AGAP1: variants seen among roughly 807,000 people sequenced by gnomAD.
AGAP1 encodes arf-GAP with GTPase, ANK repeat and PH domain-containing protein 1.
A neutral mutation model predicts 105.3 loss-of-function variants in AGAP1; 29 were observed. The ratio of observed to expected loss-of-function variants is 0.28; its 90% confidence interval spans 0.21 to 0.38. AGAP1 has a LOEUF of 0.38. Ranked by LOEUF, AGAP1 falls within the 10% of genes least tolerant of loss-of-function variation. AGAP1 has a pLI of 1.00. For synonymous variants in AGAP1, 509 were observed against 485.9 expected, an observed-to-expected ratio of 1.05 and a Z score of -0.63; for missense variants, 998 against 1,165.1, an observed-to-expected ratio of 0.86 and a Z score of 2.09.
chr2:235,516,073 G>GCTGCTGCTGCTGCTC (rs1559216422), intron 1 of AGAP1, among the ~76,000 whole-genome samples: 1 of 141,228 alleles, frequency 7.1e-6, no homozygotes, highest in Non-Finnish European at 1.6e-5. Context: ...TGCTGCTGCT[G>GCTGCTGCTGCTGCTC]CTGCTGCTGC....
intron 1 of AGAP1, among the ~76,000 whole-genome samples, chr2:235,671,767 C>G (rs919310190): frequency 2.0e-5 from 3 of 152,228 alleles, no homozygotes; most frequent in Non-Finnish European, 4.4e-5. Context: ...TGTTCTGAAA[C>G]CTCAGGTCTG....
rs1171667151 is a variant in AGAP1 at position 235,596,140 on chromosome 2, C to G, written c.163+101291C>G. Among the ~76,000 whole-genome samples, 1 of 152,212 alleles carries G rather than the reference C, an allele frequency of 6.6e-6. No homozygotes were observed. Among genetic ancestry groups the G allele is most frequent in the East Asian group, 1.9e-4 (1 of 5,196 alleles). ...ATCACCCATAAGCACAGCCTTCAGT[C>G]TAACTTCATGTCAAGTCTAAGTGGC... On this transcript the variant is annotated intron_variant, in intron 1 of 17. Transcript: ENST00000304032. The surrounding 1 kb of genome is among the most constrained non-coding windows in gnomAD (Gnocchi z 5.9).
intron 8 of AGAP1, among the ~76,000 whole-genome samples, chr2:235,802,878 TGTG>T (rs1282451115): frequency 1.2e-5 from 1 of 81,292 alleles, no homozygotes. Context: ...TGATGCTGCT[TGTG>T]GTTGTGATGG....
intron 13 of AGAP1, among the ~76,000 whole-genome samples, chr2:236,008,303 C>T (rs989218823): frequency 7.2e-5 from 11 of 152,198 alleles, no homozygotes; most frequent in Non-Finnish European, 4.4e-5. Context: ...CATGGAGCCT[C>T]AGTGTCAGTT....
chr2:235,917,697 A>G (rs2051964723), intron 11 of AGAP1, among the ~76,000 whole-genome samples: 1 of 152,164 alleles, frequency 6.6e-6, no homozygotes, highest in African/African-American at 2.4e-5. Context: ...CCGGAGATTA[A>G]TGAGGCCTAA....
In AGAP1 at chr2:235,839,503, T is replaced by TTGGGAGGCCAGGA. The variant is rs1553646123; in HGVS notation, c.1050+32172_1050+32173insTGGGAGGCCAGGA. On this transcript the variant is annotated intron_variant, in intron 9 of 17. Coordinates refer to ENST00000304032, the MANE Select transcript of AGAP1 (RefSeq NM_001037131.3). ...AGCTCATGCCTCTAATCTCAGCACT[T>TTGGGAGGCCAGGA]CGGGAGGCCAGGAGCTCAAGGCTGC... Among the ~76,000 whole-genome samples the TTGGGAGGCCAGGA allele has an allele frequency of 2.2e-3, 331 of 152,174 alleles. 2 individuals carry two copies. Among genetic ancestry groups the TTGGGAGGCCAGGA allele is most frequent in the African/African-American group, 7.6e-3 (317 of 41,476 alleles).
Position 235,973,067 on chromosome 2 carries a change from T to G in AGAP1, c.1645+4444T>G, listed in dbSNP as rs542280430. Among the ~76,000 whole-genome samples the G allele has an allele frequency of 2.4e-4, 37 of 152,242 alleles. No individual in the cohort carries two copies. The highest frequency in any genetic ancestry group is 7.2e-4 in the African/African-American group (30 of 41,544). On this transcript the variant is annotated intron_variant, in intron 13 of 17. Transcript: ENST00000304032. This position sits in a 1 kb window ranked among gnomAD's most constrained non-coding sequence, Gnocchi z 4.7. ...GCGCACTTATTCAGAAAGTAAAGGC[T>G]AATAGTAGGAATCATCAGTACCTGC...
At chr2:235,854,165 C>T (rs574165935) in intron 9 of AGAP1, among the ~76,000 whole-genome samples, 10 of 152,224 alleles carry the variant, frequency 6.6e-5, no homozygotes, top group South Asian at 6.2e-4. Context: ...CTTGTCTTCC[C>T]GGGCTCGTGG....
chr2:236,020,976 G>C lies in AGAP1; in HGVS notation c.1646-15585G>C, dbSNP rs2056863015. On this transcript the variant is annotated intron_variant, in intron 13 of 17. Coordinates refer to ENST00000304032, the MANE Select transcript of AGAP1 (RefSeq NM_001037131.3). The surrounding 1 kb of genome is among the most constrained non-coding windows in gnomAD (Gnocchi z 5.0). Reference sequence around the variant, plus strand: ...AGGTCAGACATTCGAGACCAGCCTGGTCAACGTGGTGAAACCCCATCTCTA... The same window carrying C: ...AGGTCAGACATTCGAGACCAGCCTGCTCAACGTGGTGAAACCCCATCTCTA... Among the ~76,000 whole-genome samples, 1 of 151,974 alleles carries C rather than the reference G, an allele frequency of 6.6e-6. No individual in the cohort carries two copies. Among genetic ancestry groups the C allele is most frequent in the Non-Finnish European group, 1.5e-5 (1 of 68,002 alleles).
chr2:236,099,422 T>A (rs1442629091), intron 16 of AGAP1, among the ~76,000 whole-genome samples: 2 of 151,008 alleles, frequency 1.3e-5, no homozygotes, highest in East Asian at 3.9e-4. Context: ...ACCACTGCAC[T>A]CCAGCCTGGG....
chr2:235,537,827 C>A (rs1490083403), intron 1 of AGAP1, among the ~76,000 whole-genome samples: 1 of 151,280 alleles, frequency 6.6e-6, no homozygotes, highest in African/African-American at 2.4e-5. Flanking sequence ...GTTTTTTTTT[C>A]CTCTGTCTCT....
intron 1 of AGAP1, among the ~76,000 whole-genome samples, chr2:235,584,697 T>C (rs1356936961): frequency 6.6e-6 from 1 of 151,874 alleles, no homozygotes; most frequent in Non-Finnish European, 1.5e-5. Context: ...AGGGAATACA[T>C]TTCTGCTGTT....
Position 235,988,770 on chromosome 2 carries a change from G to A in AGAP1, c.1645+20147G>A, listed in dbSNP as rs954766167. 2.1e-4 allele frequency among the ~76,000 whole-genome samples: 32 copies of A among 152,058 alleles called. No homozygotes were observed. Among genetic ancestry groups the A allele is most frequent in the African/African-American group, 6.3e-4 (26 of 41,408 alleles). ...GATTGCACTTCAGAATCGGTGATGC[G>A]CACTCATTCCCCTGCACCCACCCTT... is the stretch of plus-strand genomic sequence containing the variant. On this transcript the variant is annotated intron_variant, in intron 13 of 17. Transcript: ENST00000304032. This position sits in a 1 kb window ranked among gnomAD's most constrained non-coding sequence, Gnocchi z 4.7.
At chr2:235,999,579 TATG>T (rs1559177310) in intron 13 of AGAP1, among the ~76,000 whole-genome samples, 1 of 72,308 alleles carries the variant, frequency 1.4e-5, no homozygotes, top group Admixed American at 1.2e-4. Flanking sequence ...ACCAATATGA[TATG>T]GTGGTGATGA....
At chr2:235,820,029 G>T (rs551931536) in intron 9 of AGAP1, among the ~76,000 whole-genome samples, 1 of 150,804 alleles carries the variant, frequency 6.6e-6, no homozygotes, top group Non-Finnish European at 1.5e-5. Flanking sequence ...TCAGCCTCCC[G>T]GCTAGCTGAG....
intron 6 of AGAP1, among the ~76,000 whole-genome samples, chr2:235,762,315 G>A (rs2149788741): frequency 6.6e-6 from 1 of 152,154 alleles, no homozygotes; most frequent in East Asian, 1.9e-4. Flanking sequence ...TTGTCTCATG[G>A]ACTTTGATAT....
Position 236,080,805 on chromosome 2 carries a change from T to A in AGAP1, c.2114+31524T>A, listed in dbSNP as rs890222583. Among the ~76,000 whole-genome samples, 1 of 152,158 alleles carries A rather than the reference T, an allele frequency of 6.6e-6. No individual in the cohort carries two copies. Among genetic ancestry groups the A allele is most frequent in the Non-Finnish European group, 1.5e-5 (1 of 68,014 alleles). ...GAAGCTGCTACTCATCTTGGTGGCC[T>A]TGCATCCCCTCTGACCTGTTTCTGT... On this transcript the variant is annotated intron_variant, in intron 16 of 17. Coordinates refer to ENST00000304032, the MANE Select transcript of AGAP1 (RefSeq NM_001037131.3). The surrounding 1 kb of genome is among the most constrained non-coding windows in gnomAD (Gnocchi z 4.2).
At position 236,101,562 on chromosome 2, in the gene AGAP1, G is replaced by A. The variant is rs2059345836; in HGVS notation, c.2115-18630G>A. On this transcript the variant is annotated intron_variant, in intron 16 of 17. Transcript: ENST00000304032. This position sits in a 1 kb window ranked among gnomAD's most constrained non-coding sequence, Gnocchi z 4.9. ...AAGAGCCTTGGCTGTTCCTCTCCCT[G>A]GTGTTTAAAGGGCGTCGGTGCACGT... 6.6e-6 allele frequency among the ~76,000 whole-genome samples: 1 copy of A among 152,200 alleles called. No homozygotes were observed. The highest frequency in any genetic ancestry group is 1.5e-5 in the Non-Finnish European group (1 of 68,040).
chr2:236,084,150 G>A (rs953257448), intron 16 of AGAP1, among the ~76,000 whole-genome samples: 5 of 152,162 alleles, frequency 3.3e-5, no homozygotes, highest in African/African-American at 1.2e-4. Context: ...CTCCTGTCTT[G>A]GAGTGGGGCT....
Sources: gnomAD v4.1 joint callset for allele counts (sites outside exome capture counted in the v4.1 genomes callset) on GRCh38, gnomAD v4.1.1 for gene constraint, Gnocchi (gnomAD v3.1) non-coding constraint, MANE v1.5 for transcripts, NCBI Gene and HGNC (gene_info 2026-07-23, HGNC 2026-07-21) for gene names.